The following SLC25A48 variants were observed in gnomAD, a reference collection of about 807,000 sequenced individuals.
The protein encoded by SLC25A48 is CTC-321K16.1.
Under a neutral mutation model 32.2 loss-of-function variants are expected in SLC25A48, and 29 were observed. That is an observed-to-expected ratio of 0.90 (90% CI 0.67 to 1.23). The LOEUF is 1.23. Among genes scored for constraint, SLC25A48 ranks in the 50% most tolerant of loss-of-function variants. The pLI, the probability that SLC25A48 is intolerant of heterozygous loss-of-function variation, is 0.00. For missense variants in SLC25A48, 399 were observed against 422.7 expected (o/e 0.94, Z 0.49); for synonymous variants, 164 against 172.3 (o/e 0.95, Z 0.38).
At chr5:135,641,781 C>T (rs1752842825) in intron 3 of SLC25A48, among the ~76,000 whole-genome samples, 1 of 152,198 alleles carries the variant, frequency 6.6e-6, no homozygotes, top group African/African-American at 2.4e-5. Context: ...CAGTATCTGT[C>T]TCTGGGGCTC....
intron 3 of SLC25A48, among the ~76,000 whole-genome samples, chr5:135,766,236 G>A (rs924192907): frequency 6.6e-6 from 1 of 151,218 alleles, no homozygotes; most frequent in Non-Finnish European, 1.5e-5. Flanking sequence ...CCCATATCGC[G>A]GTGGGTGTAC....
At chr5:135,681,964 A>G (rs1753907995) in intron 3 of SLC25A48, among the ~76,000 whole-genome samples, 1 of 152,016 alleles carries the variant, frequency 6.6e-6, no homozygotes, top group Admixed American at 6.6e-5. Flanking sequence ...TTTTTCCTGG[A>G]CTCAGGTAGT....
chr5:135,792,288 G>T (rs970544219), intron 3 of SLC25A48, among the ~76,000 whole-genome samples: 10 of 151,674 alleles, frequency 6.6e-5, no homozygotes, highest in Admixed American at 1.3e-4. Flanking sequence ...GATATTATTC[G>T]TAGTAAGCTA....
chr5:135,880,224 G>GCCCCA, intron 7 of SLC25A48, 127 bp downstream of exon 7: 3 of 1,344,914 alleles, frequency 2.2e-6, no homozygotes, highest in Non-Finnish European at 2.9e-6. Context: ...ATCTGTGGTA[G>GCCCCA]GCTGGGGCTG....
intron 3 of SLC25A48, among the ~76,000 whole-genome samples, chr5:135,641,738 T>G (rs1296146728): frequency 6.6e-6 from 1 of 152,224 alleles, no homozygotes; most frequent in African/African-American, 2.4e-5. Flanking sequence ...TTGGCTTTTT[T>G]ATTATGCTTT....
At chr5:135,837,033 G>A (rs543461204) in intron 1 of SLC25A48, among the ~76,000 whole-genome samples, 2 of 134,252 alleles carry the variant, frequency 1.5e-5, no homozygotes, top group Non-Finnish European at 3.0e-5. Context: ...AAGTGCCAAG[G>A]TCTGGAAATC....
At chr5:135,830,373 C>T (rs1477113825), upstream of SLC25A48, among the ~76,000 whole-genome samples, 1 of 152,192 alleles carries the variant, frequency 6.6e-6, no homozygotes, top group Non-Finnish European at 1.5e-5. Context: ...GGAGATCGTC[C>T]TTACCTTCCA....
At chr5:135,591,038 C>A (rs1751513475) in intron 1 of SLC25A48, among the ~76,000 whole-genome samples, 1 of 152,246 alleles carries the variant, frequency 6.6e-6, no homozygotes, top group South Asian at 2.1e-4. Context: ...TGCTGCCTGG[C>A]ACTCAGGTAG....
chr5:135,714,675 A>G (rs1243549883), intron 3 of SLC25A48: 1 of 152,226 alleles, frequency 6.6e-6, no homozygotes, highest in Non-Finnish European at 1.5e-5. Flanking sequence ...AGCATTTCCT[A>G]TTCCAGGCAC....
intron 1 of SLC25A48, among the ~76,000 whole-genome samples, chr5:135,583,892 T>C (rs1347958448): frequency 6.6e-6 from 1 of 152,240 alleles, no homozygotes; most frequent in Non-Finnish European, 1.5e-5. Context: ...TCTGTGCAGC[T>C]TTCTTTCAGC....
At chr5:135,674,536 A>T (rs1753725063) in intron 3 of SLC25A48, among the ~76,000 whole-genome samples, 1 of 151,604 alleles carries the variant, frequency 6.6e-6, no homozygotes, top group South Asian at 2.1e-4. Flanking sequence ...ACATGTGATG[A>T]TTGTCTTTCT....
At position 135,597,042 on chromosome 5, in the gene SLC25A48, C is replaced by T. The variant is rs189485548; in HGVS notation, c.-849+17445C>T. ...GTGAGGAGACAATGCATGTAAAAGC[C>T]CCAGCATAGTGCCTAGCATATCAGA... On this transcript the variant is annotated intron_variant, in intron 1 of 10. Transcript: ENST00000646290. Among the ~76,000 whole-genome samples the T allele has an allele frequency of 1.2e-3, 189 of 152,216 alleles. 1 individual carries two copies. The highest frequency in any genetic ancestry group is 6.8e-3 in the Middle Eastern group (2 of 294).
chr5:135,758,143 C>T (rs371246280), intron 3 of SLC25A48, among the ~76,000 whole-genome samples: 19 of 150,582 alleles, frequency 1.3e-4, no homozygotes, highest in East Asian at 4.0e-4. Context: ...TGTTAACACA[C>T]GATGATATGA....
intron 3 of SLC25A48, among the ~76,000 whole-genome samples, chr5:135,744,078 A>G (rs924744326): frequency 1.3e-5 from 2 of 152,178 alleles, no homozygotes; most frequent in African/African-American, 4.8e-5. Context: ...TGTTTACCTT[A>G]TCTTCTGTAT....
Position 135,609,959 on chromosome 5 carries a change from A to G in SLC25A48, c.-848-19278A>G, listed in dbSNP as rs573281073. 2.6e-5 allele frequency among the ~76,000 whole-genome samples: 4 copies of G among 152,366 alleles called. No individual in the cohort carries two copies. In the East Asian group the frequency reaches 7.7e-4, roughly 29 times the overall value. ...CTGTTTGATTTTTTAAACCACGTGC[A>G]TATGCTACTTTAGAATAAGCTCACT... On this transcript the variant is annotated intron_variant, in intron 1 of 10. Transcript: ENST00000646290.
chr5:135,699,557 G>A lies in SLC25A48; in HGVS notation c.-521+64601G>A, dbSNP rs149850723. 9.0e-3 allele frequency among the ~76,000 whole-genome samples: 1,370 copies of A among 152,328 alleles called. 18 individuals are homozygous for A. The highest frequency in any genetic ancestry group is 0.026 in the Admixed American group (395 of 15,304). On this transcript the variant is annotated intron_variant, in intron 3 of 10. Transcript: ENST00000646290. Reference sequence around the variant, plus strand: ...GCAGAGCGTGATTGAAAAAGGGCACGAGGGAACTTCCAGGGTGACTGGAAA... The same window carrying A: ...GCAGAGCGTGATTGAAAAAGGGCACAAGGGAACTTCCAGGGTGACTGGAAA...
chr5:135,835,127 T>A lies in SLC25A48; in HGVS notation c.46+234T>A, dbSNP rs981038549. 7.1e-6 allele frequency: 5 copies of A among 702,036 alleles called. No individual in the cohort carries two copies. In the African/African-American group the frequency reaches 8.8e-5, roughly 12 times the overall value. 43.5% of individuals were successfully genotyped at this position (702,036 alleles called of 1,614,324 possible). ...CTGAGCTTCTGATTTGCTCATTAAGTTAGGATCCGTGGGACTTGATGAGGT... is the reference window on the plus strand; with the variant it reads ...CTGAGCTTCTGATTTGCTCATTAAGATAGGATCCGTGGGACTTGATGAGGT... On this transcript the variant is annotated intron_variant, in intron 1 of 7. Transcript: ENST00000681962.
At chr5:135,704,181 T>C (rs1754457937) in intron 3 of SLC25A48, among the ~76,000 whole-genome samples, 1 of 152,226 alleles carries the variant, frequency 6.6e-6, no homozygotes, top group Admixed American at 6.5e-5. Flanking sequence ...AGCTGGAGGA[T>C]GTCGGGACCA....
Position 135,708,396 on chromosome 5 carries a change from A to T in SLC25A48, c.-521+73440A>T, listed in dbSNP as rs115693156. ...CAAGTTTTTTCTGCAGGCTCCTAGT[A>T]TCTCTCTCTTCCCCATGTATCCTGA... On this transcript the variant is annotated intron_variant, in intron 3 of 10. Transcript: ENST00000646290. Among the ~76,000 whole-genome samples the T allele has an allele frequency of 8.9e-3, 1,351 of 152,230 alleles. 27 individuals are homozygous for T. Among genetic ancestry groups the T allele is most frequent in the African/African-American group, 0.031 (1,300 of 41,542 alleles).
Sources: allele counts gnomAD v4.1 joint callset (sites outside exome capture counted in the v4.1 genomes callset), GRCh38; gene constraint gnomAD v4.1.1; transcripts MANE v1.5; gene names NCBI Gene and HGNC (gene_info 2026-07-23, HGNC 2026-07-21).